Variants in PALM2AKAP2 observed in about 807,000 individuals in gnomAD.
PALM2AKAP2 encodes PALM2-AKAP2 fusion protein.
Under a neutral mutation model 71.5 loss-of-function variants are expected in PALM2AKAP2, and 37 were observed. The observed-to-expected ratio is 0.52, with a 90% CI of 0.40 to 0.68. The LOEUF (loss-of-function observed/expected upper bound fraction) is 0.68, where lower values mean the gene tolerates loss of function less well. PALM2AKAP2 is among the 30% of genes least tolerant of loss of function. PALM2AKAP2 has a pLI of 0.00. For missense variants in PALM2AKAP2, 1,224 were observed against 1,191.8 expected, an observed-to-expected ratio of 1.03 and a Z score of -0.40; for synonymous variants, 468 against 478.8, an observed-to-expected ratio of 0.98 and a Z score of 0.29.
upstream of PALM2AKAP2, chr9:110,048,566 G>A: frequency 2.2e-6 from 2 of 900,256 alleles, no homozygotes; most frequent in East Asian, 3.1e-5. Context: ...GGGGAGGGGA[G>A]GGGAGGGAGG....
intron 1 of PALM2AKAP2, among the ~76,000 whole-genome samples, chr9:109,840,194 C>T (rs1043636563): frequency 6.6e-6 from 1 of 151,984 alleles, no homozygotes; most frequent in African/African-American, 2.4e-5. Context: ...CAGAACAGAG[C>T]CCTCAGAAAT....
chr9:110,149,405 T>TTG (rs1836256739), intron 2 of PALM2AKAP2, among the ~76,000 whole-genome samples: 1 of 152,264 alleles, frequency 6.6e-6, no homozygotes, highest in African/African-American at 2.4e-5. Context: ...TTTACCTGCT[T>TTG]TTCTCAGCGT....
At chr9:109,714,306 C>T (rs1450042386) in intron 1 of PALM2AKAP2, among the ~76,000 whole-genome samples, 1 of 152,180 alleles carries the variant, frequency 6.6e-6, no homozygotes, top group Admixed American at 6.5e-5. Flanking sequence ...CTACTCCCTC[C>T]CTTTACTGTC....
At chr9:109,916,574 C>T (rs565358451) in intron 3 of PALM2AKAP2, among the ~76,000 whole-genome samples, 98 of 152,234 alleles carry the variant, frequency 6.4e-4, no homozygotes, top group Admixed American at 2.0e-3. Flanking sequence ...TGGGCCTTGG[C>T]CCATGCTGTC....
intron 3 of PALM2AKAP2, among the ~76,000 whole-genome samples, chr9:109,881,510 A>T (rs756430128): frequency 1.3e-5 from 2 of 152,154 alleles, no homozygotes; most frequent in Non-Finnish European, 2.9e-5. Context: ...GCTGAGTGAG[A>T]GCACCTCTGT....
chr9:109,645,702 G>A (rs964187115), intron 1 of PALM2AKAP2, among the ~76,000 whole-genome samples: 5 of 149,294 alleles, frequency 3.3e-5, no homozygotes, highest in African/African-American at 1.2e-4. Flanking sequence ...GCTAAATGAT[G>A]TGTACACATG....
At chr9:109,792,722 A>T (rs74616658) in intron 1 of PALM2AKAP2, among the ~76,000 whole-genome samples, 2,355 of 152,192 alleles carry the variant, frequency 0.015, 63 homozygotes, top group African/African-American at 0.054. Flanking sequence ...CCATACCTAT[A>T]TAACAAGTTT....
intron 1 of PALM2AKAP2, among the ~76,000 whole-genome samples, chr9:109,816,988 A>T (rs1436721066): frequency 6.6e-6 from 1 of 152,182 alleles, no homozygotes; most frequent in East Asian, 1.9e-4. Context: ...AAACTATAGG[A>T]TGTAGTCTAT....
At chr9:109,979,543 G>A (rs368116447) in intron 6 of PALM2AKAP2, among the ~76,000 whole-genome samples, 1 of 152,180 alleles carries the variant, frequency 6.6e-6, no homozygotes. Context: ...TTTCCATATT[G>A]AGGATACCTT....
At chr9:109,885,404 C>A (rs1000167774) in intron 3 of PALM2AKAP2, among the ~76,000 whole-genome samples, 2 of 152,090 alleles carry the variant, frequency 1.3e-5, no homozygotes, top group African/African-American at 4.8e-5. Context: ...AGGCCTCATT[C>A]TAGGAAATTT....
At chr9:109,795,350 A>C (rs565786842) in intron 1 of PALM2AKAP2, among the ~76,000 whole-genome samples, 9 of 152,052 alleles carry the variant, frequency 5.9e-5, no homozygotes, top group Admixed American at 1.3e-4. Flanking sequence ...TTAAGTCTTC[A>C]CTCTCATCAT....
chr9:109,701,687 A>G (rs1234313548), intron 1 of PALM2AKAP2, among the ~76,000 whole-genome samples: 1 of 152,196 alleles, frequency 6.6e-6, no homozygotes, highest in Non-Finnish European at 1.5e-5. Flanking sequence ...GGCATGGGCA[A>G]GGACTTCATG....
intron 1 of PALM2AKAP2, among the ~76,000 whole-genome samples, chr9:109,829,775 A>G (rs1382337282): frequency 6.6e-6 from 1 of 151,828 alleles, no homozygotes; most frequent in African/African-American, 2.4e-5. Context: ...TGGCTTGGTA[A>G]CCCTGTTCAC....
chr9:109,707,150 T>A (rs1828157384), intron 1 of PALM2AKAP2, among the ~76,000 whole-genome samples: 1 of 152,152 alleles, frequency 6.6e-6, no homozygotes, highest in Non-Finnish European at 1.5e-5. Context: ...ATCTTTACAA[T>A]AAATAACCTT....
At chr9:109,984,074 G>A (rs570835757) in intron 6 of PALM2AKAP2, among the ~76,000 whole-genome samples, 3 of 152,132 alleles carry the variant, frequency 2.0e-5, no homozygotes, top group Non-Finnish European at 2.9e-5. Flanking sequence ...ATGTGTATAC[G>A]ACTTCATCTT....
At chr9:109,710,533 T>C (rs1469507134) in intron 1 of PALM2AKAP2, among the ~76,000 whole-genome samples, 1 of 152,198 alleles carries the variant, frequency 6.6e-6, no homozygotes, top group Non-Finnish European at 1.5e-5. Flanking sequence ...AGTATGATGT[T>C]GAGCATCAGT....
intron 1 of PALM2AKAP2, among the ~76,000 whole-genome samples, chr9:110,109,366 A>G (rs1193052024): frequency 2.0e-5 from 3 of 151,060 alleles, no homozygotes; most frequent in Non-Finnish European, 4.4e-5. Context: ...TAAAAAAAAA[A>G]AAAAGAAAAA....
intron 3 of PALM2AKAP2, among the ~76,000 whole-genome samples, chr9:110,162,763 T>TG (rs1326508220): frequency 1.6e-4 from 24 of 152,208 alleles, no homozygotes; most frequent in African/African-American, 5.5e-4. Flanking sequence ...AGTACAGTGG[T>TG]GCAATCATAG....
intron 1 of PALM2AKAP2, among the ~76,000 whole-genome samples, chr9:110,050,634 T>C (rs1208533571): frequency 6.6e-6 from 1 of 151,456 alleles, no homozygotes; most frequent in Non-Finnish European, 1.5e-5. Context: ...TCTTTTTTTT[T>C]CTTTTCTTTT....
Sources: gnomAD v4.1 joint callset for allele counts (sites outside exome capture counted in the v4.1 genomes callset) on GRCh38, gnomAD v4.1.1 for gene constraint, MANE v1.5 for transcripts, NCBI Gene and HGNC (gene_info 2026-07-23, HGNC 2026-07-21) for gene names.